The following PIN4 variants were observed in gnomAD, a reference collection of about 807,000 sequenced individuals.
PIN4 encodes the protein peptidylprolyl cis/trans isomerase, NIMA-interacting 4, also known as peptidyl-prolyl cis-trans isomerase NIMA-interacting 4.
PIN4 carries 3 observed loss-of-function variants against 8.3 expected under a neutral mutation model. The ratio of observed to expected loss-of-function variants is 0.36; its 90% CI spans 0.16 to 0.93. The LOEUF is 0.93. Ranked by LOEUF, PIN4 falls within the 40% of genes least tolerant of loss-of-function variation. The probability of loss-of-function intolerance (pLI) is 0.44; values close to 1 mark genes in which losing one functional copy is unlikely to be tolerated. For missense variants in PIN4, 75 were observed against 100.6 expected (o/e 0.75, Z 1.09); for synonymous variants, 18 against 32.5 (o/e 0.55, Z 1.52).
intron 3 of PIN4, among the ~76,000 whole-genome samples, chrX:72,251,362 CAA>C (rs35914181): frequency 9.5e-4 from 62 of 65,479 alleles, no homozygotes; most frequent in Admixed American, 1.4e-3. Flanking sequence ...GACTCTGTCT[CAA>C]AAAAAAAAAA....
chrX:72,194,317 C>T (rs1001392902), intron 2 of PIN4, among the ~76,000 whole-genome samples: 1 of 111,238 alleles, frequency 9.0e-6, no homozygotes, highest in Non-Finnish European at 1.9e-5. Flanking sequence ...AGCGGATCAC[C>T]TGAGGTCAGG....
At chrX:72,193,174 A>G (rs2042744927) in intron 2 of PIN4, among the ~76,000 whole-genome samples, 1 of 111,041 alleles carries the variant, frequency 9.0e-6, no homozygotes, top group African/African-American at 3.3e-5. Flanking sequence ...AAACTAGAAT[A>G]CTCGTTTATT....
Position 72,220,995 on chromosome X carries a change from T to C in PIN4, c.312+24091T>C, listed in dbSNP as rs774539670. Among the ~76,000 whole-genome samples, 4 of 111,963 alleles carry C rather than the reference T, an allele frequency of 3.6e-5. 1 individual carries two copies. In the South Asian group the frequency reaches 1.5e-3, roughly 42 times the overall value. On this transcript the variant is annotated intron_variant, in intron 3 of 3. Coordinates refer to the PIN4 transcript ENST00000423432. The stretch of plus-strand genomic sequence containing the variant: ...TTAATTCCTGGATCCTGAGGGTCTC[T>C]GGTCACCTGCCCCGTCTTTTCTCTC...
chrX:72,205,397 C>T (rs1435115337), intron 3 of PIN4: 2 of 1,210,601 alleles, frequency 1.7e-6, no homozygotes, highest in Admixed American at 4.4e-5. Flanking sequence ...GGATAATCTT[C>T]AGGACCCTTT....
chrX:72,236,542 C>T (rs1253307726), intron 3 of PIN4, among the ~76,000 whole-genome samples: 1 of 111,711 alleles, frequency 9.0e-6, no homozygotes, highest in Non-Finnish European at 1.9e-5. Context: ...GATGCACCTG[C>T]CTCGCCCTCC....
rs762367329 is a variant in PIN4 at position 72,238,824 on chromosome X, G to A, written c.313-23883G>A. Reference sequence around the variant, plus strand: ...TGGGCCAGGTCGGTTAGCTAGACCCGCCCAGCGGTCCAGACATACCTTAGG... The same window carrying A: ...TGGGCCAGGTCGGTTAGCTAGACCCACCCAGCGGTCCAGACATACCTTAGG... On this transcript the variant is annotated intron_variant, in intron 3 of 3. Coordinates refer to the PIN4 transcript ENST00000423432. 6 of 1,175,484 alleles carry A rather than the reference G, an allele frequency of 5.1e-6. 1 individual carries two copies. The Middle Eastern group carries it at 7.0e-4, about 137-fold the overall frequency.
At chrX:72,250,459 CT>C (rs761194152) in intron 3 of PIN4, among the ~76,000 whole-genome samples, 4 of 110,698 alleles carry the variant, frequency 3.6e-5, no homozygotes, top group African/African-American at 1.3e-4. Context: ...CAAGAACTTC[CT>C]TAGATTTGAT....
At chrX:72,205,358 C>T (rs754122902) in intron 3 of PIN4, 13 of 1,210,358 alleles carry the variant, frequency 1.1e-5, no homozygotes, top group South Asian at 5.3e-5. Flanking sequence ...TTGGAGGCTT[C>T]GCCACTGCTT....
intron 3 of PIN4, among the ~76,000 whole-genome samples, chrX:72,211,639 T>C (rs1005661063): frequency 2.7e-5 from 3 of 110,419 alleles, no homozygotes; most frequent in Non-Finnish European, 5.7e-5. Flanking sequence ...AGCCAAACCA[T>C]ATCAGTGGCA....
intron 3 of PIN4, among the ~76,000 whole-genome samples, chrX:72,225,533 A>G (rs1263155775): frequency 8.9e-6 from 1 of 112,594 alleles, no homozygotes; most frequent in Non-Finnish European, 1.9e-5. Flanking sequence ...ATACTTGAGA[A>G]ATTCTGCCAG....
At chrX:72,214,387 G>T (rs1004656396) in intron 3 of PIN4, among the ~76,000 whole-genome samples, 2 of 112,195 alleles carry the variant, frequency 1.8e-5, no homozygotes, top group Non-Finnish European at 3.8e-5. Flanking sequence ...AAACAATGTT[G>T]CTTTACTCTT....
intron 3 of PIN4, among the ~76,000 whole-genome samples, chrX:72,249,893 A>T (rs1461968449): frequency 9.0e-6 from 1 of 111,181 alleles, no homozygotes; most frequent in African/African-American, 3.3e-5. Flanking sequence ...TACTGTGGGT[A>T]AATTATGCCT....
rs1448413426 is a variant in PIN4, at chrX:72,188,363, A to AT, written c.117+1840dup. Among the ~76,000 whole-genome samples, 297 of 107,362 alleles carry AT rather than the reference A, an allele frequency of 2.8e-3. 4 individuals carry two copies. Among genetic ancestry groups the AT allele is most frequent in the Admixed American group, 5.7e-3 (57 of 10,054 alleles). 93.2% of individuals were successfully genotyped at this position (107,362 alleles called of 115,157 possible). On this transcript the variant is annotated intron_variant, in intron 2 of 3. Coordinates refer to ENST00000373669, the MANE Select transcript of PIN4 (RefSeq NM_006223.4). ...CATATGGCTTTAGCTACTTTTTTTT[A>AT]TTTTTTTTTTTGAGACGGAGTTTCA...
chrX:72,234,823 A>G (rs755048406), intron 3 of PIN4, among the ~76,000 whole-genome samples: 1 of 111,660 alleles, frequency 9.0e-6, no homozygotes, highest in African/African-American at 3.3e-5. Flanking sequence ...CAACCCAGTG[A>G]AATTGGAAGC....
intron 3 of PIN4, among the ~76,000 whole-genome samples, chrX:72,247,808 T>C (rs748937244): frequency 1.1e-4 from 12 of 112,266 alleles, no homozygotes; most frequent in Non-Finnish European, 3.8e-5. Flanking sequence ...CCTCATGGGA[T>C]GTTCTGTTCA....
At chrX:72,238,682 C>T (rs986715731) in intron 3 of PIN4, among the ~76,000 whole-genome samples, 5 of 112,942 alleles carry the variant, frequency 4.4e-5, no homozygotes, top group Non-Finnish European at 9.4e-5. Flanking sequence ...TCTGGTCAAA[C>T]ATCCAGAGCT....
intron 3 of PIN4, among the ~76,000 whole-genome samples, chrX:72,252,813 C>T (rs751164829): frequency 8.9e-6 from 1 of 112,219 alleles, no homozygotes; most frequent in Non-Finnish European, 1.9e-5. Context: ...TTTCAACATA[C>T]GCCTTTAGCA....
chrX:72,205,665 ATCT>A, intron 3 of PIN4: 1 of 1,211,783 alleles, frequency 8.3e-7, no homozygotes, highest in Non-Finnish European at 1.1e-6. Flanking sequence ...TAAAAGAATC[ATCT>A]TCATCTTCGC....
intron 2 of PIN4, among the ~76,000 whole-genome samples, chrX:72,194,643 G>A (rs1218076124): frequency 1.9e-5 from 2 of 103,865 alleles, no homozygotes; most frequent in East Asian, 2.9e-4. Flanking sequence ...GGGAGGTTTC[G>A]GTGAGCCAAG....
Sources: gnomAD v4.1 joint callset for allele counts (sites outside exome capture counted in the v4.1 genomes callset) on GRCh38, gnomAD v4.1.1 for gene constraint, MANE v1.5 for transcripts, NCBI Gene and HGNC (gene_info 2026-07-23, HGNC 2026-07-21) for gene names.